Variants in YLPM1 observed in about 807,000 individuals in gnomAD.
YLPM1 encodes YLP motif containing 1.
Under a neutral mutation model 230.0 loss-of-function variants are expected in YLPM1, and 99 were observed. That is an observed-to-expected ratio of 0.43 (90% CI 0.37 to 0.51). The LOEUF (loss-of-function observed/expected upper bound fraction) is 0.51, where lower values mean the gene tolerates loss of function less well. Ranked by LOEUF, YLPM1 falls within the 20% of genes least tolerant of loss-of-function variation. The pLI is 0.00. For missense variants in YLPM1, 2,592 were observed against 2,707.7 expected (o/e 0.96, Z 0.95); for synonymous variants, 984 against 942.5 (o/e 1.04, Z -0.81).
chr14:74,797,833 C>A lies in YLPM1; in HGVS notation c.2536C>A (p.Gln846Lys). ...GAAAGGCCCCAAACCAGCTTTTGGA[C>A]AGCAGCATCAGCAGCAACCTAAGTC... ...QWKGPKPAFG[Q>K]QHQQQPKSQA... The change falls in exon 5 of 21, where the codon CAG (glutamine) becomes AAG (lysine). Residue 846 changes from glutamine to lysine, a missense_variant. Around this residue, in one of 4 missense-constraint regions of YLPM1, gnomAD observed 1,862 missense variants for 1,819.8 expected, o/e 1.02. Transcript: ENST00000325680. 3 of 1,613,966 alleles carry A rather than the reference C, an allele frequency of 1.9e-6. No homozygotes were observed. Among genetic ancestry groups the A allele is most frequent in the Non-Finnish European group, 2.5e-6 (3 of 1,179,896 alleles).
At chr14:74,832,834 C>G (rs891382887) in intron 19 of YLPM1, among the ~76,000 whole-genome samples, 2 of 152,112 alleles carry the variant, frequency 1.3e-5, no homozygotes, top group African/African-American at 4.8e-5. Context: ...TCAAAAACAC[C>G]TACACATTTT....
At chr14:74,784,310 G>A (rs1390733556) in intron 4 of YLPM1, among the ~76,000 whole-genome samples, 1 of 152,198 alleles carries the variant, frequency 6.6e-6, no homozygotes, top group Non-Finnish European at 1.5e-5. Flanking sequence ...TCTCTGTGCT[G>A]GGAGGATATT....
In YLPM1 at chr14:74,768,687, A is replaced by G. The variant is rs933103122; in HGVS notation, c.873+4325A>G. On this transcript the variant is annotated intron_variant, in intron 1 of 20. Transcript: ENST00000325680. ...ACTTACGGACTAGCAACTATGTGCC[A>G]GGTACTATGAGTACTGTGCTTAATA... 4.6e-5 allele frequency among the ~76,000 whole-genome samples: 7 copies of G among 152,350 alleles called. 1 individual carries two copies. The Middle Eastern group carries it at 0.02, about 444-fold the overall frequency.
intron 19 of YLPM1, among the ~76,000 whole-genome samples, chr14:74,832,295 A>G (rs1348454223): frequency 2.0e-5 from 3 of 152,208 alleles, no homozygotes; most frequent in Non-Finnish European, 4.4e-5. Flanking sequence ...TTCATTCCAT[A>G]TGTTGAATGT....
At chr14:74,832,012 C>T (rs545936347) in intron 19 of YLPM1, among the ~76,000 whole-genome samples, 1 of 152,258 alleles carries the variant, frequency 6.6e-6, no homozygotes, top group African/African-American at 2.4e-5. Flanking sequence ...GGAAGGTGAA[C>T]CTTTCCCTTG....
In YLPM1 at chr14:74,809,570, A is replaced by G. The variant is rs1410130841; in HGVS notation, c.4712A>G (p.Gln1571Arg). 1 of 1,610,404 alleles carries G rather than the reference A, an allele frequency of 6.2e-7. No individual in the cohort carries two copies. The highest frequency in any genetic ancestry group is 8.5e-7 in the Non-Finnish European group (1 of 1,178,088). The change falls in exon 7 of 21, where the codon CAG becomes CGG. Residue 1571 changes from glutamine (Q) to arginine (R), a missense_variant. Gln to Arg is a conservative substitution (Grantham distance 43, BLOSUM62 1). Around this residue, in one of 4 missense-constraint regions of YLPM1, gnomAD observed 403 missense variants for 426.7 expected, o/e 0.94. Transcript: ENST00000325680. Reference sequence around the variant, plus strand: ...AAGCCACAAACTTCAGCTGTAGAACAGGAACGATGGGATGAAGATTCTTTC... The same window carrying G: ...AAGCCACAAACTTCAGCTGTAGAACGGGAACGATGGGATGAAGATTCTTTC... ...VIKPQTSAVE[Q>R]ERWDEDSFYG...
At chr14:74,813,619 T>C (rs2091453788) in intron 11 of YLPM1, among the ~76,000 whole-genome samples, 1 of 152,112 alleles carries the variant, frequency 6.6e-6, no homozygotes, top group Admixed American at 6.5e-5. Flanking sequence ...TTTTTTAAAT[T>C]ATGGATTCAG....
At chr14:74,833,157 C>T (rs1050733688) in intron 19 of YLPM1, among the ~76,000 whole-genome samples, 6 of 152,120 alleles carry the variant, frequency 3.9e-5, no homozygotes, top group Non-Finnish European at 5.9e-5. Flanking sequence ...TGTGTTTTCA[C>T]ATAAATGCCC....
chr14:74,779,761 G>T (rs1388645946), intron 2 of YLPM1, among the ~76,000 whole-genome samples: 1 of 146,680 alleles, frequency 6.8e-6, no homozygotes, highest in Non-Finnish European at 1.5e-5. Flanking sequence ...CCTTGCCTCA[G>T]CCTTCCAAGT....
chr14:74,782,532 T>C (rs1394899020), intron 4 of YLPM1, among the ~76,000 whole-genome samples: 1 of 152,220 alleles, frequency 6.6e-6, no homozygotes, highest in African/African-American at 2.4e-5. Context: ...TTGTCCTATA[T>C]GTAGAGATTA....
intron 19 of YLPM1, among the ~76,000 whole-genome samples, chr14:74,831,736 C>A (rs757353037): frequency 6.6e-6 from 1 of 152,198 alleles, no homozygotes; most frequent in Non-Finnish European, 1.5e-5. Context: ...GGAGATCCTA[C>A]AGGTAGCAAA....
At chr14:74,819,841 G>T (rs2091507250) in intron 16 of YLPM1, among the ~76,000 whole-genome samples, 1 of 152,014 alleles carries the variant, frequency 6.6e-6, no homozygotes, top group African/African-American at 2.4e-5. Context: ...TCTCTTTTCA[G>T]TCTCCTTCAC....
In YLPM1 at chr14:74,782,289, C is replaced by T. The variant is rs1566743236; in HGVS notation, c.2246C>T (p.Pro749Leu). 1 of 1,542,608 alleles carries T rather than the reference C, an allele frequency of 6.5e-7. No homozygotes were observed. The highest frequency in any genetic ancestry group is 8.6e-7 in the Non-Finnish European group (1 of 1,156,448). ...VRSGGLLPDPPRSSYLESPRG... is the reference protein window; with the variant it reads ...VRSGGLLPDPLRSSYLESPRG... ...TCAGGTGGCCTGCTTCCAGATCCTCCTAGAAGTAGTTACTTGGAAAGTCCA... is the reference window on the plus strand; with the variant it reads ...TCAGGTGGCCTGCTTCCAGATCCTCTTAGAAGTAGTTACTTGGAAAGTCCA... Residue 749 changes from proline (P) to leucine (L), a missense_variant, in exon 4 of 21, where the codon CCT (proline) becomes CTT (leucine). Physicochemically the swap from Pro to Leu is moderately conservative, Grantham distance 98. This residue lies in a region of YLPM1 where 1,862 missense variants were observed against 1,819.8 expected (regional missense o/e 1.02). Coordinates refer to ENST00000325680, the MANE Select transcript of YLPM1 (RefSeq NM_019589.3).
chr14:74,835,161 G>A (rs751778697), intron 19 of YLPM1, 104 bp from the exon 20 acceptor site: 187 of 1,391,900 alleles, frequency 1.3e-4, no homozygotes, highest in South Asian at 5.9e-4. Context: ...TTAAACTTGC[G>A]GTTTCAAATG....
chr14:74,767,109 C>T (rs1006713261), intron 1 of YLPM1, among the ~76,000 whole-genome samples: 1 of 152,022 alleles, frequency 6.6e-6, no homozygotes, highest in Non-Finnish European at 1.5e-5. Context: ...GTCTTGAACT[C>T]CTGACCTCAT....
At chr14:74,820,776 A>C (rs997308703) in intron 16 of YLPM1, among the ~76,000 whole-genome samples, 1 of 152,274 alleles carries the variant, frequency 6.6e-6, no homozygotes, top group African/African-American at 2.4e-5. Flanking sequence ...TTAAAAGTCT[A>C]GTAATCCATA....
chr14:74,817,366 C>T, intron 15 of YLPM1, 89 bp downstream of exon 15: 1 of 1,152,674 alleles, frequency 8.7e-7, no homozygotes, highest in South Asian at 1.6e-5. Context: ...TATGGTGGTC[C>T]CATAAGATTA....
At chr14:74,794,990 T>A (rs986984530) in intron 4 of YLPM1, among the ~76,000 whole-genome samples, 1 of 152,250 alleles carries the variant, frequency 6.6e-6, no homozygotes, top group African/African-American at 2.4e-5. Flanking sequence ...TTGAAAGATA[T>A]GGGCTATTAG....
At position 74,805,316 on chromosome 14, in the gene YLPM1, C is replaced by T. The variant is rs540388498; in HGVS notation, c.4521+2640C>T. On this transcript the variant is annotated intron_variant, in intron 6 of 20. Transcript: ENST00000325680. The stretch of plus-strand genomic sequence containing the variant: ...GATTACAGGCATGAACCACCGCACC[C>T]GGCCAATAACTTCTTAGGAGTAAGT... Among the ~76,000 whole-genome samples the T allele has an allele frequency of 5.3e-5, 8 of 151,904 alleles. No individual in the cohort carries two copies. In the East Asian group the frequency reaches 7.7e-4, roughly 15 times the overall value.
Sources: allele counts gnomAD v4.1 joint callset (sites outside exome capture counted in the v4.1 genomes callset), GRCh38; gene constraint gnomAD v4.1.1; regional missense constraint gnomAD v4.1.1; transcripts MANE v1.5; gene names NCBI Gene and HGNC (gene_info 2026-07-23, HGNC 2026-07-21).